The following DOCK5 variants were observed in gnomAD, a reference collection of about 807,000 sequenced individuals.
The protein encoded by DOCK5 is dedicator of cytokinesis protein 5.
DOCK5 carries 142 observed loss-of-function variants against 251.8 expected under a neutral mutation model. The observed-to-expected ratio is 0.56, with a 90% CI of 0.49 to 0.65. The LOEUF is 0.65. Among genes scored for constraint, DOCK5 ranks in the 30% least tolerant of loss-of-function variants. DOCK5 has a pLI of 0.00. For synonymous variants in DOCK5, 842 were observed against 835.5 expected, an observed-to-expected ratio of 1.01 and a Z score of -0.13; for missense variants, 2,111 against 2,312.3, an observed-to-expected ratio of 0.91 and a Z score of 1.79.
rs377522178 is a variant in DOCK5 at position 25,372,053 on chromosome 8, A to G, written c.3525-506A>G. On this transcript the variant is annotated intron_variant, in intron 34 of 51. Coordinates refer to ENST00000276440, the MANE Select transcript of DOCK5 (RefSeq NM_024940.8). ...TATCTAAAGAGCCGCATTGCAGGAG[A>G]TGTACTAGGTTCCCAGGTTCCTCTA... Among the ~76,000 whole-genome samples the G allele has an allele frequency of 7.2e-4, 110 of 152,248 alleles. 2 individuals are homozygous for G. The highest frequency in any genetic ancestry group is 2.6e-3 in the African/African-American group (106 of 41,534).
intron 23 of DOCK5, 60 bp downstream of exon 23, chr8:25,341,048 C>A: frequency 1.5e-6 from 2 of 1,337,198 alleles, no homozygotes; most frequent in Non-Finnish European, 2.1e-6. Flanking sequence ...GTTCTGGGAC[C>A]GCTTAGAATT....
chr8:25,304,871 T>G (rs1804861518), intron 11 of DOCK5: 1 of 152,520 alleles, frequency 6.6e-6, no homozygotes, highest in African/African-American at 2.4e-5. Context: ...CATGGGCCAG[T>G]GTTCCTGCAT....
chr8:25,235,538 G>A (rs1049921349), intron 1 of DOCK5, among the ~76,000 whole-genome samples: 18 of 152,224 alleles, frequency 1.2e-4, no homozygotes, highest in Middle Eastern at 3.4e-3. Context: ...GATTACAGGC[G>A]TGAGCCACTA....
chr8:25,305,896 G>T (rs923586458), intron 11 of DOCK5, among the ~76,000 whole-genome samples: 1 of 151,982 alleles, frequency 6.6e-6, no homozygotes, highest in Non-Finnish European at 1.5e-5. Context: ...TGGTGATTTT[G>T]CTCCTGTTTT....
chr8:25,312,838 G>C (rs557061613), intron 13 of DOCK5, among the ~76,000 whole-genome samples: 1 of 152,166 alleles, frequency 6.6e-6, no homozygotes, highest in South Asian at 2.1e-4. Context: ...GCTGAAGCGG[G>C]AGCATCACTT....
Position 25,373,672 on chromosome 8 carries a change from A to G in DOCK5, c.3725+14A>G. On this transcript the variant is annotated intron_variant, in intron 36 of 51. Transcript: ENST00000276440. ...CATATACATAAGGTAAGCTGAAGGA[A>G]ATTTCTTGCTTCTGCTGTTTATTTC... is the stretch of plus-strand genomic sequence containing the variant. 1 of 1,584,436 alleles carries G rather than the reference A, an allele frequency of 6.3e-7. No homozygotes were observed. Among genetic ancestry groups the G allele is most frequent in the South Asian group, 1.2e-5 (1 of 85,326 alleles).
intron 40 of DOCK5, 114 bp from the exon 41 acceptor site, chr8:25,388,977 T>C: frequency 1.1e-6 from 1 of 934,208 alleles, no homozygotes; most frequent in Non-Finnish European, 1.6e-6. Flanking sequence ...GAGAACTTGA[T>C]GGTGGGGATT....
In DOCK5 at chr8:25,341,796, C is replaced by G. The variant is rs1263759775; in HGVS notation, c.2497C>G (p.Pro833Ala). The G allele has an allele frequency of 7.0e-6, 11 of 1,569,928 alleles. No individual in the cohort carries two copies. Among genetic ancestry groups the G allele is most frequent in the Non-Finnish European group, 9.5e-6 (11 of 1,155,752 alleles). The change falls in exon 24 of 52, where the codon CCT (proline) becomes GCT (alanine). Residue 833 changes from proline to alanine, a missense_variant. Transcript: ENST00000276440. Reference protein sequence around the residue: ...IINDVKLVFDPVELSVLFCKF... With the variant: ...IINDVKLVFDAVELSVLFCKF... Reference sequence around the variant, plus strand: ...TAATGATGTCAAACTTGTATTTGATCCTGTTGAGCTCAGGTAAATAGCAAA... The same window carrying G: ...TAATGATGTCAAACTTGTATTTGATGCTGTTGAGCTCAGGTAAATAGCAAA...
chr8:25,188,246 A>G (rs955210182), intron 1 of DOCK5, among the ~76,000 whole-genome samples: 2 of 152,238 alleles, frequency 1.3e-5, no homozygotes, highest in Non-Finnish European at 2.9e-5. Flanking sequence ...AAGTAAGAGA[A>G]TGAGATATTC....
intron 1 of DOCK5, among the ~76,000 whole-genome samples, chr8:25,226,075 A>G (rs1802522293): frequency 6.6e-6 from 1 of 152,234 alleles, no homozygotes; most frequent in African/African-American, 2.4e-5. Flanking sequence ...AAAATTAAGA[A>G]AAAATACTGA....
In DOCK5 at chr8:25,310,309, G is replaced by A. The variant is rs1805054494; in HGVS notation, c.1193-98G>A. On this transcript the variant is annotated intron_variant, in intron 12 of 51. Transcript: ENST00000276440. ...GGGAGAATTTACATCTTTACAGTAA[G>A]GTTGTGACTATACAACTCAAATGTT... 6 of 1,255,004 alleles carry A rather than the reference G, an allele frequency of 4.8e-6. No individual in the cohort carries two copies. In the East Asian group the frequency reaches 1.2e-4, roughly 26 times the overall value. 77.7% of individuals were successfully genotyped at this position (1,255,004 alleles called of 1,614,324 possible). A position where few individuals can be genotyped will look rare whatever the true frequency, so the allele number is the denominator to read the frequency against.
chr8:25,271,985 T>C (rs929223675), intron 3 of DOCK5, among the ~76,000 whole-genome samples: 1 of 152,212 alleles, frequency 6.6e-6, no homozygotes, highest in Admixed American at 6.5e-5. Context: ...ACATACTGTA[T>C]AACAAATACA....
At chr8:25,407,918 C>T (rs1228664310) in intron 48 of DOCK5, 65 bp from the exon 49 acceptor site, 1 of 1,449,850 alleles carries the variant, frequency 6.9e-7, no homozygotes, top group Non-Finnish European at 9.3e-7. Flanking sequence ...CTGGTACTTT[C>T]ATAGTGAATT....
intron 1 of DOCK5, among the ~76,000 whole-genome samples, chr8:25,222,530 T>C (rs1802421733): frequency 6.6e-6 from 1 of 152,212 alleles, no homozygotes; most frequent in African/African-American, 2.4e-5. Context: ...AGGAGTTCCA[T>C]GAGAATAAGT....
intron 6 of DOCK5, among the ~76,000 whole-genome samples, chr8:25,295,396 AAAT>A (rs1804593933): frequency 1.3e-5 from 2 of 151,262 alleles, no homozygotes; most frequent in Non-Finnish European, 1.5e-5. Context: ...AAAAAAATAA[AAAT>A]AAATAAATTC....
intron 1 of DOCK5, among the ~76,000 whole-genome samples, chr8:25,221,707 A>C (rs1423634171): frequency 6.6e-6 from 1 of 152,314 alleles, no homozygotes; most frequent in African/African-American, 2.4e-5. Flanking sequence ...GAGTACTTAC[A>C]GGGACCATGC....
chr8:25,265,631 A>C (rs1803723527), intron 2 of DOCK5, among the ~76,000 whole-genome samples: 1 of 151,772 alleles, frequency 6.6e-6, no homozygotes, highest in Non-Finnish European at 1.5e-5. Context: ...TATTTTTAAC[A>C]TTAGAGTGTA....
intron 1 of DOCK5, among the ~76,000 whole-genome samples, chr8:25,214,815 C>G (rs1802195639): frequency 6.6e-6 from 1 of 152,164 alleles, no homozygotes; most frequent in Non-Finnish European, 1.5e-5. Flanking sequence ...CGAGAGAGCC[C>G]CATCTGTCCC....
At chr8:25,277,540 A>G (rs1033127190) in intron 4 of DOCK5, 2 of 152,032 alleles carry the variant, frequency 1.3e-5, no homozygotes, top group African/African-American at 2.4e-5. Flanking sequence ...TTCATAGACA[A>G]GTGGTCAAGA....
Sources: allele counts gnomAD v4.1 joint callset (sites outside exome capture counted in the v4.1 genomes callset), GRCh38; gene constraint gnomAD v4.1.1; transcripts MANE v1.5; gene names NCBI Gene and HGNC (gene_info 2026-07-23, HGNC 2026-07-21).